Variants in CSMD1 observed in about 807,000 individuals in gnomAD.
CSMD1 encodes the protein CUB and sushi domain-containing protein 1.
CSMD1 carries 213 observed loss-of-function variants against 417.5 expected under a neutral mutation model. The ratio of observed to expected loss-of-function variants is 0.51; its 90% confidence interval spans 0.46 to 0.57. The LOEUF is 0.57. Among genes scored for constraint, CSMD1 ranks in the 20% least tolerant of loss-of-function variants. The pLI, the probability that CSMD1 is intolerant of heterozygous loss-of-function variation, is 0.00. For synonymous variants in CSMD1, 2,862 were observed against 1,736.8 expected (o/e 1.65, Z -16.11); for missense variants, 6,923 against 4,529.7 (o/e 1.53, Z -15.17).
chr8:3,745,862 T>C (rs1431397074), intron 6 of CSMD1, among the ~76,000 whole-genome samples: 1 of 152,192 alleles, frequency 6.6e-6, no homozygotes, highest in African/African-American at 2.4e-5. Context: ...TTTCCCCACA[T>C]TATCATGTAG....
intron 26 of CSMD1, among the ~76,000 whole-genome samples, chr8:3,243,256 GAGC>G (rs1404163382): frequency 1.3e-5 from 2 of 152,138 alleles, no homozygotes; most frequent in Non-Finnish European, 2.9e-5. Flanking sequence ...ACGGAGCAAA[GAGC>G]AGGAGAACAG....
chr8:4,684,140 A>G (rs953563908), intron 1 of CSMD1, among the ~76,000 whole-genome samples: 9 of 152,252 alleles, frequency 5.9e-5, no homozygotes, highest in African/African-American at 2.2e-4. Context: ...TTTCATATAC[A>G]CACGTCAATA....
At chr8:4,366,680 C>A (rs1022982977) in intron 3 of CSMD1, among the ~76,000 whole-genome samples, 3 of 151,878 alleles carry the variant, frequency 2.0e-5, no homozygotes, top group Non-Finnish European at 4.4e-5. Flanking sequence ...CTAATAGTTA[C>A]TGATGAGCGT....
chr8:4,062,204 C>G (rs1242473032), intron 3 of CSMD1, among the ~76,000 whole-genome samples: 2 of 152,056 alleles, frequency 1.3e-5, no homozygotes. Flanking sequence ...GAAAGGCATT[C>G]CAAGCTACGG....
chr8:4,796,165 C>T (rs560775078), intron 1 of CSMD1, among the ~76,000 whole-genome samples: 9 of 151,198 alleles, frequency 6.0e-5, no homozygotes, highest in Non-Finnish European at 8.8e-5. Context: ...AAGGTGGTTT[C>T]GACAATGAAG....
At chr8:4,320,645 G>T (rs1419792283) in intron 3 of CSMD1, among the ~76,000 whole-genome samples, 1 of 152,228 alleles carries the variant, frequency 6.6e-6, no homozygotes, top group African/African-American at 2.4e-5. Context: ...TGCTGAGAAT[G>T]ATGGTTTACA....
At chr8:4,288,012 C>A (rs1797156417) in intron 3 of CSMD1, among the ~76,000 whole-genome samples, 1 of 152,106 alleles carries the variant, frequency 6.6e-6, no homozygotes, top group African/African-American at 2.4e-5. Flanking sequence ...TAAACTTCTG[C>A]CTTTTTTAGC....
intron 5 of CSMD1, among the ~76,000 whole-genome samples, chr8:3,881,050 G>T (rs1415129294): frequency 6.6e-6 from 1 of 152,048 alleles, no homozygotes; most frequent in Non-Finnish European, 1.5e-5. Flanking sequence ...AACTATCTAT[G>T]AGTGAATTCA....
chr8:4,309,840 CTGAG>C (rs998332598), intron 3 of CSMD1, among the ~76,000 whole-genome samples: 40 of 152,134 alleles, frequency 2.6e-4, no homozygotes, highest in African/African-American at 9.2e-4. Context: ...ATATAGCTGT[CTGAG>C]TATTTTCTCT....
chr8:4,322,687 T>C (rs547860382), intron 3 of CSMD1, among the ~76,000 whole-genome samples: 7 of 152,250 alleles, frequency 4.6e-5, no homozygotes, highest in South Asian at 2.1e-4. Context: ...TTCAAAGAGA[T>C]GGTGACAAGG....
chr8:3,316,019 C>G (rs565011299), intron 23 of CSMD1, among the ~76,000 whole-genome samples: 2 of 152,140 alleles, frequency 1.3e-5, no homozygotes, highest in Non-Finnish European at 1.5e-5. Context: ...CACTTTCTCA[C>G]TGATTTTTTT....
chr8:4,804,458 AT>A (rs112384844), intron 1 of CSMD1, among the ~76,000 whole-genome samples: 4,050 of 145,246 alleles, frequency 0.028, 71 homozygotes, highest in African/African-American at 0.054. Context: ...TTCGGTGTAG[AT>A]TTTTTTTTTT....
At chr8:3,630,245 T>G (rs1274333170) in intron 7 of CSMD1, among the ~76,000 whole-genome samples, 1 of 152,134 alleles carries the variant, frequency 6.6e-6, no homozygotes, top group African/African-American at 2.4e-5. Context: ...AGATTTTGGA[T>G]AGGGTCACAG....
chr8:3,251,986 G>C (rs1800302148), intron 26 of CSMD1, among the ~76,000 whole-genome samples: 2 of 152,282 alleles, frequency 1.3e-5, no homozygotes, highest in South Asian at 4.2e-4. Context: ...CGGTTTTCTA[G>C]ATATAGAATC....
At chr8:3,935,909 A>G (rs1810460779) in intron 5 of CSMD1, among the ~76,000 whole-genome samples, 1 of 152,184 alleles carries the variant, frequency 6.6e-6, no homozygotes. Context: ...ACAGGCTGAA[A>G]ACTAAGCCTC....
At chr8:3,366,280 G>T (rs191402829) in intron 20 of CSMD1, among the ~76,000 whole-genome samples, 53 of 152,230 alleles carry the variant, frequency 3.5e-4, no homozygotes, top group Middle Eastern at 3.4e-3. Context: ...CACTGCAGAG[G>T]TTCTCAGTGT....
At chr8:4,851,315 T>C (rs935109502) in intron 1 of CSMD1, among the ~76,000 whole-genome samples, 1 of 152,104 alleles carries the variant, frequency 6.6e-6, no homozygotes, top group Admixed American at 6.5e-5. Flanking sequence ...CTATGGTGTA[T>C]ACATGCCAAC....
chr8:4,798,822 G>A (rs1443263705), intron 1 of CSMD1, among the ~76,000 whole-genome samples: 1 of 152,160 alleles, frequency 6.6e-6, no homozygotes, highest in Non-Finnish European at 1.5e-5. Context: ...TAATCATTTT[G>A]GCTGCCTAAA....
intron 7 of CSMD1, among the ~76,000 whole-genome samples, chr8:3,657,567 C>A (rs1008021980): frequency 1.3e-5 from 2 of 152,038 alleles, no homozygotes; most frequent in Admixed American, 6.6e-5. Flanking sequence ...ATGCTGGAAA[C>A]CATCATTCTC....
Sources: gnomAD v4.1 joint callset for allele counts (sites outside exome capture counted in the v4.1 genomes callset) on GRCh38, gnomAD v4.1.1 for gene constraint, MANE v1.5 for transcripts, NCBI Gene and HGNC (gene_info 2026-07-23, HGNC 2026-07-21) for gene names.